Variants in SPIRE2 observed in about 807,000 individuals in gnomAD.
SPIRE2 encodes the protein spire type actin nucleation factor 2.
A neutral mutation model predicts 80.7 loss-of-function variants in SPIRE2; 76 were observed. The ratio of observed to expected loss-of-function variants is 0.94; its 90% CI spans 0.78 to 1.14. The LOEUF is 1.14. SPIRE2 is among the 50% of genes most tolerant of loss of function. SPIRE2 has a pLI of 0.00. For missense variants in SPIRE2, 1,196 were observed against 1,015.3 expected, an observed-to-expected ratio of 1.18 and a Z score of -2.42; for synonymous variants, 535 against 432.6, an observed-to-expected ratio of 1.24 and a Z score of -2.94.
intron 3 of SPIRE2, among the ~76,000 whole-genome samples, chr16:89,851,850 C>T (rs2041630962): frequency 6.6e-6 from 1 of 152,070 alleles, no homozygotes; most frequent in African/African-American, 2.4e-5. Flanking sequence ...GTCATTCCTC[C>T]CTGACCCTTT....
chr16:89,869,450 C>T (rs2143834327), intron 13 of SPIRE2, 117 bp from the exon 14 acceptor site: 2 of 679,912 alleles, frequency 2.9e-6, no homozygotes, highest in Non-Finnish European at 5.3e-6. Context: ...AGAATATTCT[C>T]CAGGAAGCCC....
rs552137455 is a variant in SPIRE2 at position 89,850,722 on chromosome 16, G to T, written c.645+62G>T. 157 of 1,171,784 alleles carry T rather than the reference G, an allele frequency of 1.3e-4. 1 individual carries two copies. In the African/African-American group the frequency reaches 2.4e-3, roughly 18 times the overall value. The allele number at this position is 1,171,784 out of a possible 1,614,324, so 72.6% of individuals were successfully genotyped here. On this transcript the variant is annotated intron_variant, in intron 3 of 14. Transcript: ENST00000378247. ...GAGGCCAGGGAGGGGAGCAGTGGGTGGGAGGGGACTGGCAAGGACGTCTCT... is the reference window on the plus strand; with the variant it reads ...GAGGCCAGGGAGGGGAGCAGTGGGTTGGAGGGGACTGGCAAGGACGTCTCT...
intron 2 of SPIRE2, among the ~76,000 whole-genome samples, chr16:89,848,023 G>C (rs993641264): frequency 6.6e-6 from 1 of 152,168 alleles, no homozygotes; most frequent in African/African-American, 2.4e-5. Flanking sequence ...GGAGCCACGC[G>C]ACCAGGGACA....
chr16:89,867,960 G>A (rs2041804405), intron 12 of SPIRE2, among the ~76,000 whole-genome samples: 1 of 152,154 alleles, frequency 6.6e-6, no homozygotes, highest in Admixed American at 6.5e-5. Flanking sequence ...AAAACTCCTG[G>A]AGCCATCCTT....
At chr16:89,845,259 C>T (rs2041546989) in intron 1 of SPIRE2, 63 bp from the exon 2 acceptor site, 7 of 1,446,766 alleles carry the variant, frequency 4.8e-6, no homozygotes, top group African/African-American at 1.4e-5. Context: ...GGTGGGGGGA[C>T]AGCAGTGTTT....
chr16:89,843,167 C>T (rs990552980), intron 1 of SPIRE2, among the ~76,000 whole-genome samples: 1 of 152,128 alleles, frequency 6.6e-6, no homozygotes, highest in African/African-American at 2.4e-5. Flanking sequence ...TTGGGAACCC[C>T]GGGGGAGGAG....
In SPIRE2 at chr16:89,828,525, G is replaced by T. The variant is rs2041347062; in HGVS notation, c.-26G>T. ...GCGGCTGCATGGACGCGGGTCCGGC[G>T]CGCGGGAGGCGATGACGGCCCCGCC... On this transcript the variant is annotated 5_prime_UTR_variant, in exon 1 of 15. Coordinates refer to ENST00000378247, the MANE Select transcript of SPIRE2 (RefSeq NM_032451.2). The surrounding 1 kb of genome is among the most constrained non-coding windows in gnomAD (Gnocchi z 5.9). The T allele has an allele frequency of 9.6e-7, 1 of 1,046,054 alleles. No individual in the cohort carries two copies. Among genetic ancestry groups the T allele is most frequent in the Non-Finnish European group, 1.1e-6 (1 of 871,104 alleles). 64.8% of individuals were successfully genotyped at this position (1,046,054 alleles called of 1,614,324 possible).
In SPIRE2 at chr16:89,850,614, C is replaced by T. The variant is rs1179473598; in HGVS notation, c.599C>T (p.Thr200Met). The change falls in exon 3 of 15, where the codon ACG becomes ATG. Residue 200 changes from threonine (T) to methionine (M), a missense_variant. Thr to Met is a moderately conservative substitution (Grantham distance 81, BLOSUM62 -1). Transcript: ENST00000378247. The part of the protein sequence containing the change: ...QAVCRALFVE[T>M]LELRAFLARV... ...GTGTGCCGCGCGCTCTTCGTGGAGACGCTGGAGCTGCGGGCCTTCCTGGCC... is the reference window on the plus strand; with the variant it reads ...GTGTGCCGCGCGCTCTTCGTGGAGATGCTGGAGCTGCGGGCCTTCCTGGCC... 12 of 1,515,332 alleles carry T rather than the reference C, an allele frequency of 7.9e-6. No individual in the cohort carries two copies. The highest frequency in any genetic ancestry group is 3.7e-5 in the South Asian group (3 of 81,632). 93.9% of individuals were successfully genotyped at this position (1,515,332 alleles called of 1,614,324 possible).
chr16:89,868,097 C>G, intron 12 of SPIRE2, 92 bp from the exon 13 acceptor site: 1 of 1,397,134 alleles, frequency 7.2e-7, no homozygotes, highest in Non-Finnish European at 1.0e-6. Flanking sequence ...GATGGTTTGA[C>G]CTCGGATGCG....
intron 13 of SPIRE2, among the ~76,000 whole-genome samples, chr16:89,869,341 C>A (rs940947933): frequency 1.3e-4 from 19 of 151,872 alleles, no homozygotes; most frequent in African/African-American, 4.6e-4. Flanking sequence ...ACGGTTCTTG[C>A]GCTCTAAGAA....
intron 3 of SPIRE2, 58 bp from the exon 4 acceptor site, chr16:89,854,228 C>T (rs1016956351): frequency 3.6e-5 from 54 of 1,512,902 alleles, no homozygotes; most frequent in East Asian, 4.7e-5. Flanking sequence ...GGACGGGGCC[C>T]GTCTTGCATC....
Position 89,870,040 on chromosome 16 carries a change from CA to C in SPIRE2, c.1923-9del. On this transcript the variant is annotated splice_polypyrimidine_tract_variant and intron_variant, in intron 14 of 14. Coordinates refer to ENST00000378247, the MANE Select transcript of SPIRE2 (RefSeq NM_032451.2). ...GCTCCTCTCCCTGAGTGCCCTCTCCCACTTCCCAGGTCTCTGCAAGGGCCAC... is the reference window on the plus strand; with the variant it reads ...GCTCCTCTCCCTGAGTGCCCTCTCCCCTTCCCAGGTCTCTGCAAGGGCCAC... 6.2e-7 allele frequency: 1 copy of C among 1,609,400 alleles called. No individual in the cohort carries two copies. Among genetic ancestry groups the C allele is most frequent in the Non-Finnish European group, 8.5e-7 (1 of 1,178,220 alleles).
chr16:89,846,259 C>T (rs1315045857), intron 2 of SPIRE2: 5 of 152,020 alleles, frequency 3.3e-5, no homozygotes, highest in African/African-American at 1.2e-4. Context: ...AACTCCTGGG[C>T]TCAAGCCATC....
At chr16:89,840,880 G>A (rs1480800830) in intron 1 of SPIRE2, among the ~76,000 whole-genome samples, 1 of 151,752 alleles carries the variant, frequency 6.6e-6, no homozygotes, top group African/African-American at 2.4e-5. Context: ...CTCATGATCC[G>A]CCTGCCTCGG....
At chr16:89,849,469 G>A (rs1256542062) in intron 2 of SPIRE2, among the ~76,000 whole-genome samples, 1 of 152,258 alleles carries the variant, frequency 6.6e-6, no homozygotes, top group Non-Finnish European at 1.5e-5. Context: ...ATTTGTGTGT[G>A]TGGGTCTTTC....
intron 14 of SPIRE2, 71 bp from the exon 15 acceptor site, chr16:89,869,979 T>C: frequency 7.3e-7 from 1 of 1,372,626 alleles, no homozygotes. Context: ...GGCTGTGGCA[T>C]GCACAAGCAG....
At chr16:89,856,315 T>G in intron 7 of SPIRE2, 79 bp downstream of exon 7, 1 of 1,461,092 alleles carries the variant, frequency 6.8e-7, no homozygotes, top group Non-Finnish European at 9.1e-7. Context: ...AGGTTGCACA[T>G]TGGAAGGTGG....
intron 10 of SPIRE2, 32 bp downstream of exon 10, chr16:89,860,827 G>C: frequency 7.3e-7 from 1 of 1,364,822 alleles, no homozygotes; most frequent in Non-Finnish European, 9.7e-7. Context: ...GTCCAGGGCG[G>C]CCCAGGGGGC....
Position 89,845,494 on chromosome 16 carries a change from A to G in SPIRE2, c.288+129A>G, listed in dbSNP as rs1473630013. On this transcript the variant is annotated intron_variant, in intron 2 of 14. Transcript: ENST00000378247. ...GAGGCAGGGTGCAGATGAAGTACCC[A>G]ACAGGCTTAGTTGCAGGGACTGGAT... 5 of 861,992 alleles carry G rather than the reference A, an allele frequency of 5.8e-6. No individual in the cohort carries two copies. The East Asian group carries it at 1.3e-4, about 22-fold the overall frequency. The allele number at this position is 861,992 out of a possible 1,614,324, so 53.4% of individuals were successfully genotyped here.
Sources: gnomAD v4.1 joint callset for allele counts (sites outside exome capture counted in the v4.1 genomes callset) on GRCh38, gnomAD v4.1.1 for gene constraint, Gnocchi (gnomAD v3.1) non-coding constraint, MANE v1.5 for transcripts, NCBI Gene and HGNC (gene_info 2026-07-23, HGNC 2026-07-21) for gene names.